Variants in CNTN5 observed in about 807,000 individuals in gnomAD.
The protein encoded by CNTN5 is contactin 5.
In CNTN5, 77 loss-of-function variants were observed where a neutral mutation model predicts 129.1. That is an observed-to-expected ratio of 0.60 (90% CI 0.50 to 0.72). The LOEUF (loss-of-function observed/expected upper bound fraction) is 0.72. Among genes scored for constraint, CNTN5 ranks in the 30% least tolerant of loss-of-function variants. The pLI is 0.00. For synonymous variants in CNTN5, 509 were observed against 465.6 expected, an observed-to-expected ratio of 1.09 and a Z score of -1.20; for missense variants, 1,478 against 1,328.8, an observed-to-expected ratio of 1.11 and a Z score of -1.75.
At chr11:99,426,950 T>C (rs937699347) in intron 2 of CNTN5, among the ~76,000 whole-genome samples, 1 of 152,210 alleles carries the variant, frequency 6.6e-6, no homozygotes, top group Admixed American at 6.5e-5. Flanking sequence ...TAATCTTGTA[T>C]TTTTAAATCT....
intron 6 of CNTN5, among the ~76,000 whole-genome samples, chr11:99,862,774 T>C (rs1948247935): frequency 6.6e-6 from 1 of 152,136 alleles, no homozygotes; most frequent in Non-Finnish European, 1.5e-5. Flanking sequence ...ATTGGATATT[T>C]AATTCTTGCA....
intron 2 of CNTN5, among the ~76,000 whole-genome samples, chr11:99,356,194 C>G (rs1039906075): frequency 1.3e-5 from 2 of 152,076 alleles, no homozygotes; most frequent in African/African-American, 2.4e-5. Context: ...AACCACCCCC[C>G]CCCAACCAAG....
chr11:100,214,046 G>T lies in CNTN5; in HGVS notation c.1885-10646G>T, dbSNP rs1397956114. 2.0e-5 allele frequency among the ~76,000 whole-genome samples: 3 copies of T among 151,996 alleles called. No homozygotes were observed. The East Asian group carries it at 5.8e-4, about 29-fold the overall frequency. ...GCTTATTAAAATATTTACTAGTATT[G>T]CCAAAAAAGATGACAAATATGTATC... On this transcript the variant is annotated intron_variant, in intron 15 of 24. Coordinates refer to ENST00000524871, the MANE Select transcript of CNTN5 (RefSeq NM_014361.4).
chr11:99,313,270 T>C (rs1865193785), intron 1 of CNTN5, among the ~76,000 whole-genome samples: 1 of 152,092 alleles, frequency 6.6e-6, no homozygotes, highest in East Asian at 1.9e-4. Context: ...AAAAACAAAT[T>C]ATCTTGAAAT....
chr11:100,005,153 C>T (rs1204065193), intron 9 of CNTN5, among the ~76,000 whole-genome samples: 1 of 152,120 alleles, frequency 6.6e-6, no homozygotes, highest in Admixed American at 6.6e-5. Context: ...TGGCACATAG[C>T]ATTCAGGAAA....
chr11:99,210,726 A>G (rs79076990), intron 1 of CNTN5, among the ~76,000 whole-genome samples: 2,536 of 146,634 alleles, frequency 0.017, 37 homozygotes, highest in African/African-American at 0.037. Flanking sequence ...TGTTATGTTT[A>G]GCTGTTCCAC....
At chr11:99,064,053 T>A in intron 1 of CNTN5, among the ~76,000 whole-genome samples, 1 of 152,136 alleles carries the variant, frequency 6.6e-6, no homozygotes, top group East Asian at 1.9e-4. Flanking sequence ...CTGGATAATG[T>A]TAATTGCTGG....
chr11:99,646,931 T>A (rs1332989242), intron 3 of CNTN5, among the ~76,000 whole-genome samples: 1 of 152,080 alleles, frequency 6.6e-6, no homozygotes, highest in Non-Finnish European at 1.5e-5. Flanking sequence ...ATATTCTGGG[T>A]ATTAATTCCC....
Position 99,932,995 on chromosome 11 carries a change from G to A in CNTN5, c.673+16846G>A, listed in dbSNP as rs1469865353. 5.3e-5 allele frequency among the ~76,000 whole-genome samples: 8 copies of A among 152,126 alleles called. No individual in the cohort carries two copies. In the East Asian group the frequency reaches 1.3e-3, roughly 26 times the overall value. ...TCCCAGTATCTTTGTATCTTTTATA[G>A]ATTTGCTGACATAGCCCTGGATGTT... On this transcript the variant is annotated intron_variant, in intron 7 of 24. Coordinates refer to ENST00000524871, the MANE Select transcript of CNTN5 (RefSeq NM_014361.4).
At chr11:99,685,312 C>T (rs113062488) in intron 3 of CNTN5, among the ~76,000 whole-genome samples, 1 of 151,700 alleles carries the variant, frequency 6.6e-6, no homozygotes, top group Non-Finnish European at 1.5e-5. Context: ...AATGTGTTTA[C>T]TATTACAATT....
chr11:99,400,347 A>G (rs1941738244), intron 2 of CNTN5, among the ~76,000 whole-genome samples: 1 of 152,082 alleles, frequency 6.6e-6, no homozygotes. Context: ...TGAACAATAG[A>G]ATGGACTGAA....
Position 100,313,005 on chromosome 11 carries a change from G to A in CNTN5, c.2730+4537G>A, listed in dbSNP as rs115478998. On this transcript the variant is annotated intron_variant, in intron 21 of 24. Transcript: ENST00000524871. ...AAGGTATAGCAAACCTGGTTCCTGT[G>A]AGAACAGAAAGAAAGTGAAGCACTG... is the stretch of plus-strand genomic sequence containing the variant. Among the ~76,000 whole-genome samples the A allele has an allele frequency of 9.3e-3, 1,417 of 152,116 alleles. 19 individuals carry two copies. The highest frequency in any genetic ancestry group is 0.033 in the African/African-American group (1,365 of 41,510).
At chr11:100,225,915 T>C (rs934730938) in intron 16 of CNTN5, among the ~76,000 whole-genome samples, 3 of 152,162 alleles carry the variant, frequency 2.0e-5, no homozygotes, top group African/African-American at 7.2e-5. Context: ...GTTTTAGTTA[T>C]ATATATCACC....
Position 99,055,156 on chromosome 11 carries a change from TAGTTTTAGTC to T in CNTN5, c.-210+33900_-210+33909del, listed in dbSNP as rs560088811. On this transcript the variant is annotated intron_variant, in intron 1 of 24. Coordinates refer to ENST00000524871, the MANE Select transcript of CNTN5 (RefSeq NM_014361.4). ...CACTTTGAGGGCTACTGATAAAACA[TAGTTTTAGTC>T]AGTTTTAGTCAGTAATCCCATTATG... Among the ~76,000 whole-genome samples the T allele has an allele frequency of 2.0e-4, 30 of 152,084 alleles. No individual in the cohort carries two copies. In the South Asian group the frequency reaches 4.1e-3, roughly 21 times the overall value.
intron 16 of CNTN5, among the ~76,000 whole-genome samples, chr11:100,225,947 G>A (rs537293578): frequency 2.1e-4 from 32 of 152,218 alleles, no homozygotes; most frequent in African/African-American, 6.3e-4. Flanking sequence ...GGTTTTGGTA[G>A]TGCATCCATC....
At position 99,983,898 on chromosome 11, in the gene CNTN5, G is replaced by A. The variant is rs535526181; in HGVS notation, c.878-18136G>A. ...TTAGATAGGAGCATTCAGATTTGATGATGATGGTTTTGACCAGTAAGATAA... is the reference window on the plus strand; with the variant it reads ...TTAGATAGGAGCATTCAGATTTGATAATGATGGTTTTGACCAGTAAGATAA... On this transcript the variant is annotated intron_variant, in intron 8 of 24. Coordinates refer to ENST00000524871, the MANE Select transcript of CNTN5 (RefSeq NM_014361.4). Among the ~76,000 whole-genome samples, 5 of 152,276 alleles carry A rather than the reference G, an allele frequency of 3.3e-5. No homozygotes were observed. The South Asian group carries it at 6.2e-4, about 19-fold the overall frequency.
intron 9 of CNTN5, among the ~76,000 whole-genome samples, chr11:100,041,346 C>T (rs932291270): frequency 1.3e-5 from 2 of 152,202 alleles, no homozygotes; most frequent in South Asian, 2.1e-4. Flanking sequence ...TAAGTCATTA[C>T]TTAAGTCATT....
At chr11:99,799,837 G>C (rs1180339799) in intron 3 of CNTN5, among the ~76,000 whole-genome samples, 1 of 151,890 alleles carries the variant, frequency 6.6e-6, no homozygotes, top group African/African-American at 2.4e-5. Flanking sequence ...GCTCTTCTTT[G>C]TATATCTTGT....
chr11:100,266,879 A>C (rs1429895061), intron 17 of CNTN5, among the ~76,000 whole-genome samples: 1 of 152,140 alleles, frequency 6.6e-6, no homozygotes, highest in Admixed American at 6.6e-5. Flanking sequence ...TCATTTAATA[A>C]AAGTTTACCA....
Sources: gnomAD v4.1 joint callset for allele counts (sites outside exome capture counted in the v4.1 genomes callset) on GRCh38, gnomAD v4.1.1 for gene constraint, MANE v1.5 for transcripts, NCBI Gene and HGNC (gene_info 2026-07-23, HGNC 2026-07-21) for gene names.